Variants in UBA6 observed in about 807,000 individuals in gnomAD.
UBA6 encodes ubiquitin like modifier activating enzyme 6.
A neutral mutation model predicts 148.3 loss-of-function variants in UBA6; 87 were observed. The ratio of observed to expected loss-of-function variants is 0.59; its 90% confidence interval spans 0.49 to 0.70. The LOEUF is 0.70. UBA6 is among the 30% of genes least tolerant of loss of function. The pLI is 0.00. For synonymous variants in UBA6, 376 were observed against 401.0 expected (o/e 0.94, Z 0.75); for missense variants, 1,186 against 1,241.2 (o/e 0.96, Z 0.67).
intron 2 of UBA6, among the ~76,000 whole-genome samples, chr4:67,687,424 T>G (rs759223932): frequency 1.3e-5 from 2 of 152,210 alleles, no homozygotes; most frequent in East Asian, 3.8e-4. Flanking sequence ...CTCCAGTTCA[T>G]ATAAAAGTCA....
chr4:67,692,877 C>T (rs1262565256), intron 2 of UBA6, among the ~76,000 whole-genome samples: 2 of 152,156 alleles, frequency 1.3e-5, no homozygotes, highest in South Asian at 2.1e-4. Context: ...AAGATGCTAT[C>T]GTTGTTACTG....
intron 23 of UBA6, among the ~76,000 whole-genome samples, chr4:67,632,503 A>T (rs1283721020): frequency 6.6e-6 from 1 of 152,230 alleles, no homozygotes; most frequent in Non-Finnish European, 1.5e-5. Context: ...AAGTTTAAAA[A>T]AAATGCACAG....
intron 13 of UBA6, among the ~76,000 whole-genome samples, chr4:67,661,460 G>C (rs1560491515): frequency 6.6e-6 from 1 of 152,118 alleles, no homozygotes; most frequent in Non-Finnish European, 1.5e-5. Context: ...CCTGTGAAGA[G>C]GTGCCTGCTT....
chr4:67,650,731 G>A (rs553005027), intron 13 of UBA6, among the ~76,000 whole-genome samples: 1 of 152,204 alleles, frequency 6.6e-6, no homozygotes, highest in East Asian at 1.9e-4. Flanking sequence ...AGGCCTTATG[G>A]TAACAAAACA....
At chr4:67,631,950 TTATC>T (rs372944427) in intron 23 of UBA6, 42 bp from the exon 24 acceptor site, 31 of 1,545,286 alleles carry the variant, frequency 2.0e-5, no homozygotes, top group African/African-American at 1.8e-4. Flanking sequence ...CTACTTAATA[TTATC>T]TGAGGAAAAA....
chr4:67,663,890 G>T lies in UBA6; in HGVS notation c.955C>A (p.Pro319Thr). 2 of 1,612,970 alleles carry T rather than the reference G, an allele frequency of 1.2e-6. No individual in the cohort carries two copies. The highest frequency in any genetic ancestry group is 1.7e-6 in the Non-Finnish European group (2 of 1,179,374). Residue 319 changes from proline (P) to threonine (T), a missense_variant, in exon 11 of 33, where the codon CCT becomes ACT. Pro to Thr is a conservative substitution (Grantham distance 38). Transcript: ENST00000322244. Reference sequence around the variant, plus strand: ...CCTGCAAAGTGTTTATTTACCTCAGGGTTGCTAAAATCCACAATAAGGCAC... The same window carrying T: ...CCTGCAAAGTGTTTATTTACCTCAGTGTTGCTAAAATCCACAATAAGGCAC... Reference protein sequence around the residue: ...PKCLIVDFSNPEAPLEIHTAM... With the variant: ...PKCLIVDFSNTEAPLEIHTAM...
chr4:67,663,762 C>T, intron 11 of UBA6, 123 bp downstream of exon 11: 1 of 762,216 alleles, frequency 1.3e-6, no homozygotes, highest in Non-Finnish European at 2.3e-6. Flanking sequence ...CTTTATTATA[C>T]TCACATTATA....
chr4:67,634,896 G>C lies in UBA6; in HGVS notation c.1843-378C>G, dbSNP rs957230681. ...TCAGGAATACCCAGTATAGTGCTCA[G>C]AAAAGCATGAGTTTTTCCATGGAGA... On this transcript the variant is annotated intron_variant, in intron 20 of 32. Transcript: ENST00000322244. Among the ~76,000 whole-genome samples, 3 of 152,178 alleles carry C rather than the reference G, an allele frequency of 2.0e-5. No homozygotes were observed. The East Asian group carries it at 5.8e-4, about 29-fold the overall frequency.
At position 67,631,705 on chromosome 4, in the gene UBA6, T is replaced by C; in HGVS notation, c.2258+3A>G. ...ATACATAAAACTAAATATAAATACT[T>C]ACAAAGGCTCATTTAAATCAAATTT... On this transcript the variant is annotated splice_donor_region_variant and intron_variant, in intron 25 of 32. Transcript: ENST00000322244. The C allele has an allele frequency of 6.3e-7, 1 of 1,599,962 alleles. No individual in the cohort carries two copies.
intron 14 of UBA6, among the ~76,000 whole-genome samples, chr4:67,648,135 T>G (rs1729464865): frequency 6.6e-6 from 1 of 151,698 alleles, no homozygotes; most frequent in Non-Finnish European, 1.5e-5. Context: ...AAATAAATAA[T>G]TCAGCAGCAA....
intron 25 of UBA6, 56 bp downstream of exon 25, chr4:67,631,652 T>A: frequency 7.6e-7 from 1 of 1,321,450 alleles, no homozygotes; most frequent in African/African-American, 1.5e-5. Flanking sequence ...AGTTAAGGAA[T>A]TTACAGTAAA....
At chr4:67,634,900 AG>A (rs1240557552) in intron 20 of UBA6, among the ~76,000 whole-genome samples, 1 of 152,150 alleles carries the variant, frequency 6.6e-6, no homozygotes, top group African/African-American at 2.4e-5. Context: ...TGCTCAGAAA[AG>A]CATGAGTTTT....
chr4:67,635,045 T>C (rs1284866179), intron 20 of UBA6, among the ~76,000 whole-genome samples: 1 of 151,324 alleles, frequency 6.6e-6, no homozygotes, highest in Non-Finnish European at 1.5e-5. Context: ...GAAATCCACA[T>C]TCTATTATAG....
intron 22 of UBA6, 68 bp downstream of exon 22, chr4:67,634,174 G>T: frequency 9.2e-7 from 1 of 1,081,434 alleles, no homozygotes; most frequent in African/African-American, 1.6e-5. Flanking sequence ...ATCACTTGTA[G>T]ATGACTTGAA....
At position 67,637,144 on chromosome 4, in the gene UBA6, G is replaced by A. The variant is rs867962914; in HGVS notation, c.1737-1586C>T. On this transcript the variant is annotated intron_variant, in intron 19 of 32. Coordinates refer to ENST00000322244, the MANE Select transcript of UBA6 (RefSeq NM_018227.6). The stretch of plus-strand genomic sequence containing the variant: ...CCACCCCGTCTGGGAAGTGAGGAGC[G>A]TCTCCGCCCGGCAGCCGCCCCGTCC... Among the ~76,000 whole-genome samples the A allele has an allele frequency of 1.2e-3, 174 of 150,184 alleles. No individual in the cohort carries two copies. The Middle Eastern group carries it at 0.014, about 12-fold the overall frequency.
In UBA6 at chr4:67,634,294, G is replaced by T. The variant is rs1729081017; in HGVS notation, c.1961C>A (p.Ser654Ter). 6.3e-7 allele frequency: 1 copy of T among 1,594,938 alleles called. No homozygotes were observed. Among genetic ancestry groups the T allele is most frequent in the Admixed American group, 1.8e-5 (1 of 55,148 alleles). Residue 654 changes from serine (S) to a stop codon, truncating the protein, a stop_gained, in exon 22 of 33, where the codon TCA becomes TAA. Transcript: ENST00000322244. LOFTEE classifies it high-confidence loss of function. Reference sequence around the variant, plus strand: ...GGTTTGCCAAAATTTGTTAAACAATGAAGGTTTGTGGGAAAAGGAACTTTC... The same window carrying T: ...GGTTTGCCAAAATTTGTTAAACAATTAAGGTTTGTGGGAAAAGGAACTTTC... Reference protein sequence around the residue: ...KFESSFSHKPSLFNKFWQTYS... With the variant: ...KFESSFSHKP
chr4:67,635,627 C>T lies in UBA6; in HGVS notation c.1737-69G>A, dbSNP rs561012337. The T allele has an allele frequency of 4.3e-6, 4 of 931,240 alleles. No homozygotes were observed. In the East Asian group the frequency reaches 9.7e-5, roughly 23 times the overall value. 57.7% of individuals were successfully genotyped at this position (931,240 alleles called of 1,614,324 possible). On this transcript the variant is annotated intron_variant, in intron 19 of 32. Coordinates refer to ENST00000322244, the MANE Select transcript of UBA6 (RefSeq NM_018227.6). The stretch of plus-strand genomic sequence containing the variant: ...AACAATGTAACCAAAGGACAACCTA[C>T]AACTTTCTATTGACCATTTCACATA...
chr4:67,694,015 T>C (rs1376543228), intron 2 of UBA6, among the ~76,000 whole-genome samples: 3 of 151,256 alleles, frequency 2.0e-5, no homozygotes, highest in Non-Finnish European at 3.0e-5. Context: ...GAGACTGAGA[T>C]CATCCTGGCC....
At chr4:67,663,762 C>G in intron 11 of UBA6, 123 bp downstream of exon 11, 4 of 762,216 alleles carry the variant, frequency 5.2e-6, no homozygotes, top group Non-Finnish European at 9.1e-6. Flanking sequence ...CTTTATTATA[C>G]TCACATTATA....
Sources: gnomAD v4.1 joint callset for allele counts (sites outside exome capture counted in the v4.1 genomes callset) on GRCh38, gnomAD v4.1.1 for gene constraint, MANE v1.5 for transcripts, NCBI Gene and HGNC (gene_info 2026-07-23, HGNC 2026-07-21) for gene names.